Variants in DCLK1 observed in about 807,000 individuals in gnomAD.
DCLK1 encodes doublecortin like kinase 1.
A neutral mutation model predicts 86.2 loss-of-function variants in DCLK1; 16 were observed. The ratio of observed to expected loss-of-function variants is 0.19; its 90% confidence interval spans 0.13 to 0.28. The LOEUF (loss-of-function observed/expected upper bound fraction) is 0.28, where lower values mean the gene tolerates loss of function less well. Among genes scored for constraint, DCLK1 ranks in the 10% least tolerant of loss-of-function variants. The pLI is 1.00. For synonymous variants in DCLK1, 369 were observed against 370.5 expected (o/e 1.00, Z 0.05); for missense variants, 590 against 940.2 (o/e 0.63, Z 4.87).
intron 4 of DCLK1, among the ~76,000 whole-genome samples, chr13:35,912,102 C>T (rs952915427): frequency 3.9e-5 from 6 of 152,156 alleles, no homozygotes; most frequent in African/African-American, 1.2e-4. Flanking sequence ...CAATCAATCA[C>T]GGCCCTCCCT....
intron 15 of DCLK1, among the ~76,000 whole-genome samples, chr13:35,794,896 T>C (rs971895251): frequency 6.6e-6 from 1 of 152,158 alleles, no homozygotes. Flanking sequence ...CAGGGCCACA[T>C]GAAGTGCCGA....
chr13:35,774,630 T>G lies in DCLK1; in HGVS notation c.2128A>C (p.Lys710Gln). 6.2e-7 allele frequency: 1 copy of G among 1,607,218 alleles called. No homozygotes were observed. Among genetic ancestry groups the G allele is most frequent in the Non-Finnish European group, 8.5e-7 (1 of 1,176,628 alleles). Reference protein sequence around the residue: ...RRNQDVRSRYKAQPAPPELNS... With the variant: ...RRNQDVRSRYQAQPAPPELNS... ...AGTTCGGGAGGAGCTGGCTGCGCCT[T>G]GTACCGGCTCCTCACATCCTGGTTG... is the stretch of plus-strand genomic sequence containing the variant. Residue 710 changes from lysine (K) to glutamine (Q), a missense_variant, in exon 17 of 17, where the codon AAG becomes CAG. By Grantham distance (53) the Lys-to-Gln change is moderately conservative. Around this residue, in one of 6 missense-constraint regions of DCLK1, gnomAD observed 146 missense variants for 190.2 expected, o/e 0.77. Transcript: ENST00000360631.
At position 36,125,781 on chromosome 13, in the gene DCLK1, G is replaced by A. The variant is rs776065878; in HGVS notation, c.357C>T (p.Ser119=). 3 of 1,613,698 alleles carry A rather than the reference G, an allele frequency of 1.9e-6. No homozygotes were observed. The highest frequency in any genetic ancestry group is 2.5e-6 in the Non-Finnish European group (3 of 1,179,766). ...YTIDGLKKIS[S]LDQLVEGESY... ...GCTCACCTTCCACCAGTTGGTCCAG[G>A]CTGGAAATCTTCTTGAGCCCATCAA... Residue 119 remains serine, a synonymous_variant, in exon 2 of 17, where the codon AGC becomes AGT. Coordinates refer to ENST00000360631, the MANE Select transcript of DCLK1 (RefSeq NM_001330071.2).
At chr13:35,870,974 G>A (rs1273166248) in intron 5 of DCLK1, among the ~76,000 whole-genome samples, 3 of 152,192 alleles carry the variant, frequency 2.0e-5, no homozygotes, top group Non-Finnish European at 4.4e-5. Context: ...AGATGATAAC[G>A]TTCTTCTATT....
intron 3 of DCLK1, among the ~76,000 whole-genome samples, chr13:36,079,602 A>G (rs1029814171): frequency 1.3e-5 from 2 of 152,146 alleles, no homozygotes; most frequent in Non-Finnish European, 2.9e-5. Flanking sequence ...ATTGCACTCC[A>G]GCCTGGGGGA....
chr13:35,802,017 C>T lies in DCLK1; in HGVS notation c.1944+3682G>A, dbSNP rs114472291. The stretch of plus-strand genomic sequence containing the variant: ...GGATTGAGCTCTGGCACCTCCTTCT[C>T]TGGGCTCTGGGAAGTCTCCCCACAG... On this transcript the variant is annotated intron_variant, in intron 15 of 16. Transcript: ENST00000360631. 7.6e-3 allele frequency among the ~76,000 whole-genome samples: 1,153 copies of T among 152,288 alleles called. 12 individuals are homozygous for T. Among genetic ancestry groups the T allele is most frequent in the African/African-American group, 0.026 (1,072 of 41,556 alleles).
At chr13:36,091,934 G>A (rs905467803) in intron 3 of DCLK1, among the ~76,000 whole-genome samples, 2 of 152,080 alleles carry the variant, frequency 1.3e-5, no homozygotes, top group East Asian at 3.9e-4. Flanking sequence ...TGGACAAATT[G>A]TCTTGCTTTC....
At position 35,919,494 on chromosome 13, in the gene DCLK1, C is replaced by T. The variant is rs146225680; in HGVS notation, c.823+27864G>A. 1.6e-3 allele frequency among the ~76,000 whole-genome samples: 244 copies of T among 152,224 alleles called. 2 individuals carry two copies. The highest frequency in any genetic ancestry group is 5.5e-3 in the African/African-American group (230 of 41,528). Reference sequence around the variant, plus strand: ...TACACAGATGCCAGTGGGGCTGCTCCGGCTGAAGGAGAGGGTTTTTATTTT... The same window carrying T: ...TACACAGATGCCAGTGGGGCTGCTCTGGCTGAAGGAGAGGGTTTTTATTTT... On this transcript the variant is annotated intron_variant, in intron 4 of 16. Coordinates refer to ENST00000360631, the MANE Select transcript of DCLK1 (RefSeq NM_001330071.2).
chr13:35,778,910 G>T (rs1276509025), intron 16 of DCLK1, among the ~76,000 whole-genome samples: 6 of 152,204 alleles, frequency 3.9e-5, no homozygotes, highest in Non-Finnish European at 5.9e-5. Flanking sequence ...CCAAACTGAT[G>T]TATCTCTGAA....
intron 2 of DCLK1, among the ~76,000 whole-genome samples, chr13:36,115,459 A>C (rs1234038090): frequency 6.6e-6 from 1 of 152,212 alleles, no homozygotes; most frequent in Non-Finnish European, 1.5e-5. Context: ...CAAAGCTCTT[A>C]GCGGTGGTAC....
chr13:36,087,595 G>A (rs974711290), intron 3 of DCLK1, among the ~76,000 whole-genome samples: 5 of 152,120 alleles, frequency 3.3e-5, no homozygotes, highest in South Asian at 2.1e-4. Context: ...CAGTTTGGAC[G>A]TGCAAAGATG....
intron 6 of DCLK1, among the ~76,000 whole-genome samples, chr13:35,843,680 A>G (rs1051842908): frequency 4.6e-5 from 7 of 152,228 alleles, no homozygotes; most frequent in Admixed American, 2.0e-4. Flanking sequence ...ATCTCACCAC[A>G]CAACTTTAGC....
chr13:35,904,072 C>G (rs188825950), intron 4 of DCLK1, among the ~76,000 whole-genome samples: 2 of 151,332 alleles, frequency 1.3e-5, no homozygotes, highest in East Asian at 3.9e-4. Context: ...AAGTTTAAAG[C>G]TGTGTGTTAT....
intron 5 of DCLK1, chr13:35,855,603 A>T: frequency 6.4e-7 from 1 of 1,556,044 alleles, no homozygotes. Context: ...CACCCGCGGA[A>T]ATGGGAATCG....
At chr13:36,066,476 A>G (rs1883755316) in intron 3 of DCLK1, among the ~76,000 whole-genome samples, 1 of 152,182 alleles carries the variant, frequency 6.6e-6, no homozygotes, top group South Asian at 2.1e-4. Context: ...ATTTCTCTCT[A>G]TGGTTTTCAT....
chr13:35,841,989 G>T (rs1869829957), intron 6 of DCLK1, among the ~76,000 whole-genome samples: 1 of 151,674 alleles, frequency 6.6e-6, no homozygotes, highest in South Asian at 2.1e-4. Context: ...AATACTTCTA[G>T]TACTGAACAT....
intron 3 of DCLK1, among the ~76,000 whole-genome samples, chr13:36,105,511 A>C (rs1885361857): frequency 6.6e-6 from 1 of 152,260 alleles, no homozygotes; most frequent in Admixed American, 6.5e-5. Flanking sequence ...CAGGGTGTGA[A>C]CTATTTCCAA....
intron 15 of DCLK1, among the ~76,000 whole-genome samples, chr13:35,798,018 G>A (rs896240860): frequency 4.6e-5 from 7 of 152,228 alleles, no homozygotes; most frequent in Admixed American, 1.3e-4. Flanking sequence ...TTTGGTGGTA[G>A]TTTCTGAAGT....
chr13:35,847,094 A>G (rs192361674), intron 6 of DCLK1: 4 of 981,522 alleles, frequency 4.1e-6, no homozygotes, highest in Non-Finnish European at 4.8e-6. Flanking sequence ...ATAGAAAAAA[A>G]TCATAGTATT....
Sources: gnomAD v4.1 joint callset for allele counts (sites outside exome capture counted in the v4.1 genomes callset) on GRCh38, gnomAD v4.1.1 for gene constraint, gnomAD v4.1.1 regional missense constraint, MANE v1.5 for transcripts, NCBI Gene and HGNC (gene_info 2026-07-23, HGNC 2026-07-21) for gene names.